SORCS2: variants seen among roughly 807,000 people sequenced by gnomAD.
SORCS2 encodes the protein VPS10 domain-containing receptor SorCS2.
SORCS2 carries 100 observed loss-of-function variants against 141.6 expected under a neutral mutation model. The ratio of observed to expected loss-of-function variants is 0.71; its 90% CI spans 0.60 to 0.83. The LOEUF (loss-of-function observed/expected upper bound fraction) is 0.83, where lower values mean the gene tolerates loss of function less well. Among genes scored for constraint, SORCS2 ranks in the 40% least tolerant of loss-of-function variants. SORCS2 has a pLI of 0.00. For synonymous variants in SORCS2, 789 were observed against 676.9 expected (o/e 1.17, Z -2.57); for missense variants, 1,646 against 1,560.2 (o/e 1.05, Z -0.93).
intron 1 of SORCS2, among the ~76,000 whole-genome samples, chr4:7,315,250 G>C (rs980700054): frequency 6.6e-6 from 1 of 152,198 alleles, no homozygotes. Flanking sequence ...TGATGGCCAG[G>C]TGGGCCTCCC....
At chr4:7,428,309 G>A (rs1409686670) in intron 2 of SORCS2, among the ~76,000 whole-genome samples, 1 of 152,246 alleles carries the variant, frequency 6.6e-6, no homozygotes, top group Admixed American at 6.5e-5. Flanking sequence ...GCAGACCAGA[G>A]GGCTGAAAGT....
At chr4:7,334,525 G>C (rs1719870192) in intron 1 of SORCS2, among the ~76,000 whole-genome samples, 1 of 152,240 alleles carries the variant, frequency 6.6e-6, no homozygotes, top group Non-Finnish European at 1.5e-5. Context: ...GGGGTGCTCA[G>C]TGAGCATGCT....
chr4:7,661,458 G>A (rs1722160229), intron 5 of SORCS2, 42 bp from the exon 6 acceptor site: 2 of 1,547,080 alleles, frequency 1.3e-6, no homozygotes, highest in Non-Finnish European at 1.7e-6. Flanking sequence ...GACGGGCATG[G>A]TGACTCCATT....
chr4:7,305,200 T>C (rs1449550487), intron 1 of SORCS2, among the ~76,000 whole-genome samples: 7 of 151,880 alleles, frequency 4.6e-5, no homozygotes, highest in Non-Finnish European at 7.4e-5. Flanking sequence ...CCCGGCTAAT[T>C]TTTTGTATTT....
intron 3 of SORCS2, among the ~76,000 whole-genome samples, chr4:7,602,300 C>T (rs189822636): frequency 0.014 from 2,095 of 151,924 alleles, 51 homozygotes; most frequent in African/African-American, 0.049. Flanking sequence ...CGGGCGGGGG[C>T]TGTCCCCCAC....
At chr4:7,245,966 TA>T (rs767390579) in intron 1 of SORCS2, among the ~76,000 whole-genome samples, 43 of 152,184 alleles carry the variant, frequency 2.8e-4, no homozygotes, top group Non-Finnish European at 5.4e-4. Context: ...CGGCGTTTGG[TA>T]CCCAGCCTTG....
At chr4:7,590,422 C>G (rs1716839138) in intron 3 of SORCS2, among the ~76,000 whole-genome samples, 1 of 152,194 alleles carries the variant, frequency 6.6e-6, no homozygotes, top group Non-Finnish European at 1.5e-5. Flanking sequence ...GGCCTGGCTT[C>G]TCAGGTCCTC....
chr4:7,287,063 G>T (rs1716273773), intron 1 of SORCS2, among the ~76,000 whole-genome samples: 1 of 152,160 alleles, frequency 6.6e-6, no homozygotes, highest in Admixed American at 6.5e-5. Flanking sequence ...TCCCTGTGCT[G>T]CCCTGGGTCA....
At chr4:7,707,460 AGTG>A (rs1725542233) in intron 14 of SORCS2, among the ~76,000 whole-genome samples, 1 of 152,226 alleles carries the variant, frequency 6.6e-6, no homozygotes, top group African/African-American at 2.4e-5. Flanking sequence ...ACAGGGAAGA[AGTG>A]GTGAGTGTGG....
intron 1 of SORCS2, among the ~76,000 whole-genome samples, chr4:7,205,881 T>G (rs4376138): frequency 0.15 from 23,112 of 151,996 alleles, 1,860 homozygotes; most frequent in South Asian, 0.28. Context: ...CCGTCTCTAC[T>G]AAAAATACAA....
rs1443495027 is a variant in SORCS2 at position 7,676,154 on chromosome 4, G to A, written c.1266G>A (p.Val422=). Residue 422 remains valine, a synonymous_variant, in exon 9 of 27, where the codon GTG becomes GTA. Coordinates refer to ENST00000507866, the MANE Select transcript of SORCS2 (RefSeq NM_020777.3). Reference sequence around the variant, plus strand: ...TGTACCAGTCGGACCCACGGGGCGTGCGCTACGCGCTGGTGCTGCAGGACG... The same window carrying A: ...TGTACCAGTCGGACCCACGGGGCGTACGCTACGCGCTGGTGCTGCAGGACG... ...YNLYQSDPRG[V]RYALVLQDVR... The A allele has an allele frequency of 6.4e-7, 1 of 1,562,216 alleles. No individual in the cohort carries two copies. Among genetic ancestry groups the A allele is most frequent in the Non-Finnish European group, 8.7e-7 (1 of 1,152,776 alleles).
At chr4:7,482,875 T>C (rs150601080) in intron 2 of SORCS2, among the ~76,000 whole-genome samples, 623 of 152,126 alleles carry the variant, frequency 4.1e-3, no homozygotes, top group Non-Finnish European at 6.8e-3. Flanking sequence ...CCCTGGCTGC[T>C]GTGGTGGGCT....
At chr4:7,238,644 G>A (rs778491132) in intron 1 of SORCS2, among the ~76,000 whole-genome samples, 12 of 152,208 alleles carry the variant, frequency 7.9e-5, no homozygotes, top group South Asian at 2.1e-4. Flanking sequence ...GCACCCTCAC[G>A]TGGTTGTGTT....
At chr4:7,509,565 C>T (rs1732485732) in intron 2 of SORCS2, among the ~76,000 whole-genome samples, 1 of 152,210 alleles carries the variant, frequency 6.6e-6, no homozygotes, top group Non-Finnish European at 1.5e-5. Flanking sequence ...GACGCTGGGG[C>T]CTCCATCATC....
intron 18 of SORCS2, among the ~76,000 whole-genome samples, chr4:7,718,423 T>C (rs908116524): frequency 1.2e-4 from 19 of 152,166 alleles, no homozygotes; most frequent in African/African-American, 4.1e-4. Flanking sequence ...GTAGGGGGTA[T>C]TAGGGTCCCC....
At chr4:7,483,890 T>A (rs1191851706) in intron 2 of SORCS2, among the ~76,000 whole-genome samples, 1 of 152,148 alleles carries the variant, frequency 6.6e-6, no homozygotes, top group African/African-American at 2.4e-5. Flanking sequence ...GTTCTGCACA[T>A]GTATCCCAGA....
At chr4:7,207,018 CATCT>C (rs1198121878) in intron 1 of SORCS2, among the ~76,000 whole-genome samples, 41 of 152,214 alleles carry the variant, frequency 2.7e-4, no homozygotes, top group African/African-American at 9.2e-4. Context: ...CTCACTCATC[CATCT>C]ATCTACAAAC....
At chr4:7,732,036 C>T (rs918528178) in intron 23 of SORCS2, among the ~76,000 whole-genome samples, 2 of 152,196 alleles carry the variant, frequency 1.3e-5, no homozygotes, top group South Asian at 2.1e-4. Flanking sequence ...AGAAAAGATT[C>T]ATGAAGCATA....
intron 1 of SORCS2, among the ~76,000 whole-genome samples, chr4:7,205,784 C>T (rs761108751): frequency 1.3e-5 from 2 of 152,174 alleles, no homozygotes; most frequent in Non-Finnish European, 1.5e-5. Context: ...GGCTCACGCC[C>T]GGAATCCCAG....
Sources: allele counts gnomAD v4.1 joint callset (sites outside exome capture counted in the v4.1 genomes callset), GRCh38; gene constraint gnomAD v4.1.1; transcripts MANE v1.5; gene names NCBI Gene and HGNC (gene_info 2026-07-23, HGNC 2026-07-21).